The following DAB1 variants were observed in gnomAD, a reference collection of about 807,000 sequenced individuals.
DAB1 encodes the protein disabled homolog 1.
A neutral mutation model predicts 64.6 loss-of-function variants in DAB1; 15 were observed. The observed-to-expected ratio is 0.23, with a 90% confidence interval of 0.16 to 0.36. The LOEUF (loss-of-function observed/expected upper bound fraction) is 0.36. DAB1 is among the 10% of genes least tolerant of loss of function. The pLI, the probability that DAB1 is intolerant of heterozygous loss-of-function variation, is 1.00. For missense variants in DAB1, 596 were observed against 706.7 expected, an observed-to-expected ratio of 0.84 and a Z score of 1.78; for synonymous variants, 235 against 251.9, an observed-to-expected ratio of 0.93 and a Z score of 0.64.
chr1:57,945,448 T>TATTATG (rs1553146242), intron 5 of DAB1, among the ~76,000 whole-genome samples: 1 of 150,722 alleles, frequency 6.6e-6, no homozygotes, highest in South Asian at 2.1e-4. Context: ...TTATTATTAT[T>TATTATG]ATTATTATTT....
At chr1:57,059,091 G>A (rs1650125404) in intron 9 of DAB1, among the ~76,000 whole-genome samples, 3 of 152,118 alleles carry the variant, frequency 2.0e-5, no homozygotes. Context: ...GGCTCAGTGA[G>A]GAGTGTTTGC....
At chr1:57,373,774 A>G (rs1412621133) in intron 1 of DAB1, among the ~76,000 whole-genome samples, 1 of 152,226 alleles carries the variant, frequency 6.6e-6, no homozygotes, top group Non-Finnish European at 1.5e-5. Context: ...GGGTATAGGC[A>G]TGAACATATT....
At chr1:57,405,110 T>C (rs1206832334) in intron 1 of DAB1, among the ~76,000 whole-genome samples, 8 of 152,168 alleles carry the variant, frequency 5.3e-5, no homozygotes, top group Non-Finnish European at 7.3e-5. Flanking sequence ...TTTGACTCAC[T>C]GCAAGGATAT....
chr1:57,788,684 T>C (rs1650450054), intron 6 of DAB1, among the ~76,000 whole-genome samples: 1 of 152,172 alleles, frequency 6.6e-6, no homozygotes, highest in Non-Finnish European at 1.5e-5. Flanking sequence ...CTCTGTTACT[T>C]CCTGTGAGGA....
chr1:57,916,680 G>A (rs946103786), intron 5 of DAB1, among the ~76,000 whole-genome samples: 25 of 152,366 alleles, frequency 1.6e-4, no homozygotes, highest in African/African-American at 2.4e-4. Context: ...GCTCACGCCT[G>A]TAATCCCAAC....
At chr1:57,066,037 A>C (rs1650876710) in intron 8 of DAB1, among the ~76,000 whole-genome samples, 1 of 152,194 alleles carries the variant, frequency 6.6e-6, no homozygotes. Context: ...TTTTACTTTT[A>C]TTTTGGCAGC....
intron 5 of DAB1, among the ~76,000 whole-genome samples, chr1:58,117,371 C>T (rs748491667): frequency 6.6e-6 from 1 of 152,134 alleles, no homozygotes; most frequent in Non-Finnish European, 1.5e-5. Context: ...AGATGATAAA[C>T]AGTCTCAAAA....
chr1:58,115,088 T>C (rs964551700), intron 5 of DAB1, among the ~76,000 whole-genome samples: 1 of 141,500 alleles, frequency 7.1e-6, no homozygotes, highest in Admixed American at 7.3e-5. Flanking sequence ...AACCTACTCA[T>C]CTGACAAAGG....
chr1:57,591,039 T>C (rs975406867), intron 7 of DAB1, among the ~76,000 whole-genome samples: 2 of 152,148 alleles, frequency 1.3e-5, no homozygotes, highest in Non-Finnish European at 2.9e-5. Flanking sequence ...GACGGTGAAA[T>C]TGCTTTGTAA....
At chr1:58,168,219 G>T (rs765755127) in intron 4 of DAB1, among the ~76,000 whole-genome samples, 5 of 152,170 alleles carry the variant, frequency 3.3e-5, no homozygotes, top group Non-Finnish European at 5.9e-5. Flanking sequence ...TCAGAGTTGG[G>T]AGCGCTGGTT....
At chr1:57,053,319 C>T (rs12142135) in intron 9 of DAB1, among the ~76,000 whole-genome samples, 1 of 152,062 alleles carries the variant, frequency 6.6e-6, no homozygotes, top group Non-Finnish European at 1.5e-5. Flanking sequence ...GCAATCATAG[C>T]TCACTGCAGC....
intron 4 of DAB1, among the ~76,000 whole-genome samples, chr1:58,304,018 A>T (rs1662233611): frequency 6.6e-6 from 1 of 152,152 alleles, no homozygotes. Context: ...GTTTAGTAAA[A>T]TTTTGATTAT....
intron 5 of DAB1, among the ~76,000 whole-genome samples, chr1:58,069,224 A>G (rs762602528): frequency 1.3e-5 from 2 of 152,210 alleles, no homozygotes; most frequent in African/African-American, 2.4e-5. Flanking sequence ...GAGCACTTAC[A>G]TCTATTGCCT....
At chr1:58,454,745 C>T (rs766385668) in intron 3 of DAB1, among the ~76,000 whole-genome samples, 5 of 152,152 alleles carry the variant, frequency 3.3e-5, no homozygotes, top group African/African-American at 9.7e-5. Context: ...TCATCAGTTC[C>T]GCCTGTTCAC....
intron 4 of DAB1, among the ~76,000 whole-genome samples, chr1:58,259,127 GCTTT>G (rs1232324237): frequency 6.6e-6 from 1 of 152,166 alleles, no homozygotes; most frequent in Non-Finnish European, 1.5e-5. Context: ...AAAATTATTA[GCTTT>G]CTTTCTATCT....
intron 2 of DAB1, among the ~76,000 whole-genome samples, chr1:57,227,254 G>T (rs1001576462): frequency 6.6e-6 from 1 of 152,106 alleles, no homozygotes; most frequent in Non-Finnish European, 1.5e-5. Flanking sequence ...GATTTTAAAA[G>T]TATAGACTCA....
intron 4 of DAB1, among the ~76,000 whole-genome samples, chr1:58,299,633 T>G (rs4912321): frequency 0.65 from 99,189 of 152,030 alleles, 33,792 homozygotes; most frequent in East Asian, 0.85. Flanking sequence ...TGGTTTAGCT[T>G]TCTTTTATCT....
intron 2 of DAB1, among the ~76,000 whole-genome samples, chr1:58,519,303 G>A (rs1557450776): frequency 6.6e-6 from 1 of 152,132 alleles, no homozygotes; most frequent in Non-Finnish European, 1.5e-5. Flanking sequence ...TTTTGATAGA[G>A]GCATGAAATG....
intron 5 of DAB1, among the ~76,000 whole-genome samples, chr1:58,009,482 T>C (rs1465464599): frequency 6.6e-6 from 1 of 152,192 alleles, no homozygotes; most frequent in South Asian, 2.1e-4. Context: ...ATTCTACCTA[T>C]TTTATAGTAT....
Sources: allele counts gnomAD v4.1 joint callset (sites outside exome capture counted in the v4.1 genomes callset), GRCh38; gene constraint gnomAD v4.1.1; transcripts MANE v1.5; gene names NCBI Gene and HGNC (gene_info 2026-07-23, HGNC 2026-07-21).